KCNQ5: variants seen among roughly 807,000 people sequenced by gnomAD.
The protein encoded by KCNQ5 is potassium voltage-gated channel subfamily KQT member 5.
KCNQ5 carries 30 observed loss-of-function variants against 98.2 expected under a neutral mutation model. That is an observed-to-expected ratio of 0.31 (90% CI 0.23 to 0.41). The LOEUF is 0.41. Among genes scored for constraint, KCNQ5 ranks in the 10% least tolerant of loss-of-function variants. The pLI is 1.00. For synonymous variants in KCNQ5, 458 were observed against 449.4 expected (o/e 1.02, Z -0.24); for missense variants, 835 against 1,182.5 (o/e 0.71, Z 4.31).
At chr6:72,999,506 T>G (rs1004592636) in intron 1 of KCNQ5, among the ~76,000 whole-genome samples, 3 of 152,288 alleles carry the variant, frequency 2.0e-5, no homozygotes, top group African/African-American at 7.2e-5. Context: ...AACGTATACA[T>G]GGAAAAACAT....
At chr6:72,734,866 A>G (rs1268027844) in intron 1 of KCNQ5, among the ~76,000 whole-genome samples, 1 of 152,238 alleles carries the variant, frequency 6.6e-6, no homozygotes, top group East Asian at 1.9e-4. Flanking sequence ...TATAAAATCA[A>G]GAGACTAGAT....
chr6:73,135,439 A>G (rs1375499996), intron 10 of KCNQ5: 3 of 149,888 alleles, frequency 2.0e-5, no homozygotes, highest in Non-Finnish European at 4.4e-5. Flanking sequence ...GTTTAGAAAA[A>G]CAAAATGTTA....
intron 10 of KCNQ5, among the ~76,000 whole-genome samples, chr6:73,150,830 A>ATGTGTGTGTGTG (rs199982654): frequency 6.9e-5 from 5 of 72,796 alleles, no homozygotes; most frequent in Admixed American, 2.0e-4. Context: ...GTATATATAT[A>ATGTGTGTGTGTG]TATGTGTGTG....
At chr6:73,138,516 A>G (rs1234833481) in intron 10 of KCNQ5, among the ~76,000 whole-genome samples, 3 of 152,124 alleles carry the variant, frequency 2.0e-5, no homozygotes, top group African/African-American at 4.8e-5. Context: ...GCTAAACCCA[A>G]CGTTCTGTAG....
chr6:73,068,423 A>G (rs1773160021), intron 3 of KCNQ5, among the ~76,000 whole-genome samples: 2 of 152,334 alleles, frequency 1.3e-5, no homozygotes, highest in South Asian at 4.2e-4. Flanking sequence ...TTCTTCTAAG[A>G]CATAATGTTT....
At chr6:72,749,790 G>A (rs2154476513) in intron 1 of KCNQ5, among the ~76,000 whole-genome samples, 1 of 152,144 alleles carries the variant, frequency 6.6e-6, no homozygotes, top group East Asian at 1.9e-4. Context: ...CTGCCACTGA[G>A]GCATTTGGTT....
chr6:72,717,316 A>G (rs1406005634), intron 1 of KCNQ5, among the ~76,000 whole-genome samples: 1 of 152,222 alleles, frequency 6.6e-6, no homozygotes, highest in Non-Finnish European at 1.5e-5. Context: ...TTATGTTCCC[A>G]CCATAAAGAA....
intron 1 of KCNQ5, among the ~76,000 whole-genome samples, chr6:72,859,929 G>A: frequency 6.7e-6 from 1 of 150,364 alleles, no homozygotes; most frequent in South Asian, 2.1e-4. Context: ...CTCTTCTTTT[G>A]TCATTTCTTT....
At chr6:73,032,343 T>C (rs559799415) in intron 2 of KCNQ5, among the ~76,000 whole-genome samples, 6 of 152,162 alleles carry the variant, frequency 3.9e-5, no homozygotes, top group African/African-American at 1.4e-4. Flanking sequence ...AATTTTTGTA[T>C]TTTTAGTAGA....
At chr6:73,042,206 G>A (rs911739545) in intron 3 of KCNQ5, 144 bp downstream of exon 3, 1 of 911,498 alleles carries the variant, frequency 1.1e-6, no homozygotes, top group South Asian at 1.4e-5. Flanking sequence ...TCTTGAAAAT[G>A]TTGACTCATT....
intron 1 of KCNQ5, among the ~76,000 whole-genome samples, chr6:72,725,193 A>G (rs1770202113): frequency 6.6e-6 from 1 of 152,164 alleles, no homozygotes; most frequent in South Asian, 2.1e-4. Flanking sequence ...TGCAGTATGA[A>G]ATTATATTAT....
chr6:72,768,620 G>A (rs963499330), intron 1 of KCNQ5, among the ~76,000 whole-genome samples: 5 of 151,918 alleles, frequency 3.3e-5, no homozygotes, highest in Non-Finnish European at 7.4e-5. Context: ...AGATAGAGAT[G>A]GGGCCCTTCA....
intron 1 of KCNQ5, among the ~76,000 whole-genome samples, chr6:72,860,128 A>T (rs1777703281): frequency 6.6e-6 from 1 of 152,210 alleles, no homozygotes; most frequent in African/African-American, 2.4e-5. Context: ...AATGAAACAA[A>T]TACAAATGGT....
intron 1 of KCNQ5, among the ~76,000 whole-genome samples, chr6:72,631,302 C>T (rs938485118): frequency 3.3e-5 from 5 of 152,010 alleles, no homozygotes; most frequent in African/African-American, 1.2e-4. Context: ...ACATAAAATA[C>T]AGACAGGAGT....
intron 3 of KCNQ5, among the ~76,000 whole-genome samples, chr6:73,052,968 C>G (rs1772311835): frequency 6.6e-6 from 1 of 152,132 alleles, no homozygotes; most frequent in African/African-American, 2.4e-5. Flanking sequence ...GACAAAGAAG[C>G]AAGACCCAAC....
At chr6:72,749,935 T>C (rs563201340) in intron 1 of KCNQ5, among the ~76,000 whole-genome samples, 1 of 152,122 alleles carries the variant, frequency 6.6e-6, no homozygotes, top group South Asian at 2.1e-4. Flanking sequence ...ATGACAACAA[T>C]GTCAAAAAGA....
chr6:73,090,958 A>C (rs970404755), intron 5 of KCNQ5, among the ~76,000 whole-genome samples: 4 of 152,202 alleles, frequency 2.6e-5, no homozygotes, highest in Admixed American at 2.0e-4. Flanking sequence ...TTGACCCAGC[A>C]ATCCCATTAC....
intron 10 of KCNQ5, among the ~76,000 whole-genome samples, chr6:73,164,790 A>G (rs536968767): frequency 7.2e-5 from 11 of 152,176 alleles, no homozygotes; most frequent in Non-Finnish European, 1.5e-4. Flanking sequence ...CAGTGTTTTC[A>G]AATACAGAAA....
chr6:72,857,543 A>G (rs1777584982), intron 1 of KCNQ5, among the ~76,000 whole-genome samples: 1 of 152,174 alleles, frequency 6.6e-6, no homozygotes, highest in Non-Finnish European at 1.5e-5. Context: ...TTGCCTCAGT[A>G]ATGACCTTGA....
Sources: allele counts gnomAD v4.1 joint callset (sites outside exome capture counted in the v4.1 genomes callset), GRCh38; gene constraint gnomAD v4.1.1; transcripts MANE v1.5; gene names NCBI Gene and HGNC (gene_info 2026-07-23, HGNC 2026-07-21).